The following CDH8 variants were observed in gnomAD, a reference collection of about 807,000 sequenced individuals.
The protein encoded by CDH8 is cadherin 8.
Under a neutral mutation model 68.1 loss-of-function variants are expected in CDH8, and 17 were observed. That is an observed-to-expected ratio of 0.25 (90% CI 0.17 to 0.37). The LOEUF is 0.37. Among genes scored for constraint, CDH8 ranks in the 10% least tolerant of loss-of-function variants. The probability of loss-of-function intolerance (pLI) is 1.00; values close to 1 mark genes in which losing one functional copy is unlikely to be tolerated. For missense variants in CDH8, 763 were observed against 999.3 expected (o/e 0.76, Z 3.19); for synonymous variants, 372 against 365.1 (o/e 1.02, Z -0.21).
chr16:61,854,938 T>A (rs1470764760), intron 4 of CDH8, among the ~76,000 whole-genome samples: 1 of 152,148 alleles, frequency 6.6e-6, no homozygotes, highest in African/African-American at 2.4e-5. Flanking sequence ...TACCCAAAAA[T>A]GTTTACATTC....
At chr16:61,905,317 C>T (rs1293755897) in intron 2 of CDH8, among the ~76,000 whole-genome samples, 1 of 152,100 alleles carries the variant, frequency 6.6e-6, no homozygotes, top group African/African-American at 2.4e-5. Context: ...AAAGTCTCTG[C>T]TCTCAGAATA....
At chr16:61,947,475 A>AC (rs1347003089) in intron 2 of CDH8, among the ~76,000 whole-genome samples, 1 of 152,198 alleles carries the variant, frequency 6.6e-6, no homozygotes, top group East Asian at 1.9e-4. Flanking sequence ...GATGAATAAT[A>AC]CATGGTCCCT....
rs746496526 is a variant in CDH8 at position 61,651,366 on chromosome 16, C to G, written c.*2242G>C. The G allele has an allele frequency of 6.6e-6, 1 of 152,046 alleles. No homozygotes were observed. The highest frequency in any genetic ancestry group is 1.5e-5 in the Non-Finnish European group (1 of 68,018). The allele number at this position is 152,046 out of a possible 1,614,324, so 9.4% of individuals were successfully genotyped here. Reference sequence around the variant, plus strand: ...AAAGTGTTCACTAGCCGTAATAATACGCATAAAAGATGACTTATTCTCAGC... The same window carrying G: ...AAAGTGTTCACTAGCCGTAATAATAGGCATAAAAGATGACTTATTCTCAGC... On this transcript the variant is annotated 3_prime_UTR_variant, in exon 12 of 12. Transcript: ENST00000577390.
chr16:61,919,069 CG>C (rs1964311630), intron 2 of CDH8, among the ~76,000 whole-genome samples: 2 of 146,196 alleles, frequency 1.4e-5, no homozygotes. Flanking sequence ...ACACCTCACA[CG>C]GCAGGGTATT....
intron 2 of CDH8, among the ~76,000 whole-genome samples, chr16:61,975,933 C>T (rs1965426583): frequency 1.3e-5 from 2 of 152,130 alleles, no homozygotes; most frequent in African/African-American, 4.8e-5. Flanking sequence ...AAAGGAGCTC[C>T]AGCAGATGCC....
At chr16:61,901,151 A>C in intron 3 of CDH8, 28 bp downstream of exon 3, 4 of 1,589,328 alleles carry the variant, frequency 2.5e-6, no homozygotes, top group Non-Finnish European at 3.4e-6. Flanking sequence ...GACTTTTAAT[A>C]GATCTGTGAA....
At chr16:61,850,287 G>C (rs1962911418) in intron 4 of CDH8, among the ~76,000 whole-genome samples, 1 of 151,980 alleles carries the variant, frequency 6.6e-6, no homozygotes, top group South Asian at 2.1e-4. Flanking sequence ...ACCAGCTCTT[G>C]CATGAACTAA....
rs1238172769 is a variant in CDH8 at position 61,663,808 on chromosome 16, T to C, written c.1655-8087A>G. Among the ~76,000 whole-genome samples, 3 of 151,152 alleles carry C rather than the reference T, an allele frequency of 2.0e-5. 1 individual carries two copies. The highest frequency in any genetic ancestry group is 4.5e-5 in the Non-Finnish European group (3 of 67,244). ...ACAAAACCAAAATTGAGTAAACACA[T>C]TATTCTGGAAAAATTATATCAAATA... On this transcript the variant is annotated intron_variant, in intron 10 of 11. Coordinates refer to ENST00000577390, the MANE Select transcript of CDH8 (RefSeq NM_001796.5).
intron 2 of CDH8, among the ~76,000 whole-genome samples, chr16:62,015,809 T>C (rs1487725644): frequency 1.3e-5 from 2 of 152,148 alleles, no homozygotes; most frequent in Non-Finnish European, 2.9e-5. Context: ...TTTCTACCAA[T>C]GTGAGAATAC....
At chr16:61,713,818 T>C (rs1336224712) in intron 10 of CDH8, 23 bp downstream of exon 10, 1 of 1,212,086 alleles carries the variant, frequency 8.3e-7, no homozygotes, top group East Asian at 2.3e-5. Flanking sequence ...TTGTACTCTG[T>C]TTCACAAAGC....
intron 2 of CDH8, among the ~76,000 whole-genome samples, chr16:61,954,841 A>G (rs1287030806): frequency 2.0e-5 from 3 of 152,244 alleles, no homozygotes; most frequent in Non-Finnish European, 4.4e-5. Flanking sequence ...CTAAGTCCCA[A>G]TCTTTAACTG....
intron 10 of CDH8, among the ~76,000 whole-genome samples, chr16:61,699,371 A>G (rs1412974923): frequency 6.6e-6 from 1 of 152,192 alleles, no homozygotes; most frequent in Non-Finnish European, 1.5e-5. Flanking sequence ...TTTAAGAAGA[A>G]AATGAACAAG....
chr16:62,014,488 A>G (rs1306737619), intron 2 of CDH8, among the ~76,000 whole-genome samples: 1 of 152,220 alleles, frequency 6.6e-6, no homozygotes. Context: ...CCACAAGGCC[A>G]AAGATACAAT....
intron 3 of CDH8, among the ~76,000 whole-genome samples, chr16:61,870,390 G>T (rs1407487944): frequency 1.3e-5 from 2 of 152,078 alleles, no homozygotes; most frequent in East Asian, 3.9e-4. Flanking sequence ...GAGGAGCATT[G>T]GGAAATGTCT....
intron 10 of CDH8, among the ~76,000 whole-genome samples, chr16:61,688,099 T>C (rs967113852): frequency 6.6e-6 from 1 of 151,974 alleles, no homozygotes; most frequent in Non-Finnish European, 1.5e-5. Flanking sequence ...TTCTTCCCAG[T>C]AGTAACTTTT....
At chr16:61,679,656 A>G (rs1191275387) in intron 10 of CDH8, among the ~76,000 whole-genome samples, 3 of 152,032 alleles carry the variant, frequency 2.0e-5, no homozygotes, top group African/African-American at 4.8e-5. Context: ...TTATCTTCAA[A>G]TCATATGTTT....
intron 10 of CDH8, among the ~76,000 whole-genome samples, chr16:61,666,861 T>A (rs961003533): frequency 6.6e-6 from 1 of 151,966 alleles, no homozygotes; most frequent in African/African-American, 2.4e-5. Context: ...AATCCAGAAA[T>A]TTTCAGCATA....
chr16:61,825,626 C>T (rs1962314554), intron 4 of CDH8, among the ~76,000 whole-genome samples: 5 of 151,728 alleles, frequency 3.3e-5, no homozygotes, highest in Admixed American at 2.6e-4. Flanking sequence ...CTGAAGTTCA[C>T]AGATACATTT....
chr16:61,943,459 G>A (rs987093953), intron 2 of CDH8, among the ~76,000 whole-genome samples: 1 of 152,216 alleles, frequency 6.6e-6, no homozygotes, highest in Non-Finnish European at 1.5e-5. Flanking sequence ...CTTTAGATTA[G>A]TTTGGGATTC....
Sources: allele counts gnomAD v4.1 joint callset (sites outside exome capture counted in the v4.1 genomes callset), GRCh38; gene constraint gnomAD v4.1.1; transcripts MANE v1.5; gene names NCBI Gene and HGNC (gene_info 2026-07-23, HGNC 2026-07-21).